Variants in OR8J1 observed in about 807,000 individuals in gnomAD.
The protein encoded by OR8J1 is olfactory receptor 8J1.
For synonymous variants in OR8J1, 157 were observed against 144.3 expected, an observed-to-expected ratio of 1.09 and a Z score of -0.63; for missense variants, 400 against 373.0, an observed-to-expected ratio of 1.07 and a Z score of -0.60.
intron 1 of OR8J1, among the ~76,000 whole-genome samples, chr11:56,355,219 C>CT (rs1458191074): frequency 1.3e-5 from 2 of 151,752 alleles, no homozygotes; most frequent in Admixed American, 1.3e-4. Context: ...CAAAAACACA[C>CT]TTTTTAAAAG....
At chr11:56,359,691 A>G (rs984659159) in intron 1 of OR8J1, among the ~76,000 whole-genome samples, 1 of 152,148 alleles carries the variant, frequency 6.6e-6, no homozygotes, top group Non-Finnish European at 1.5e-5. Flanking sequence ...TAATTTAAAA[A>G]AGAGAGAAAA....
chr11:56,357,481 T>C lies in OR8J1; in HGVS notation c.-20-2746T>C, dbSNP rs148932554. 2,664 of 864,928 alleles carry C rather than the reference T, an allele frequency of 3.1e-3. 55 individuals are homozygous for C. In the Admixed American group the frequency reaches 0.038, roughly 12 times the overall value. The allele number at this position is 864,928 out of a possible 1,614,324, so 53.6% of individuals were successfully genotyped here. Reference sequence around the variant, plus strand: ...AACACACCCAAATACTGGATGATAGTTCATGTAATAAACAGATATATCATT... The same window carrying C: ...AACACACCCAAATACTGGATGATAGCTCATGTAATAAACAGATATATCATT... On this transcript the variant is annotated intron_variant, in intron 1 of 1. Coordinates refer to ENST00000533152, the MANE Select transcript of OR8J1 (RefSeq NM_001005205.3).
At position 56,361,482 on chromosome 11, in the gene OR8J1, A is replaced by G. The variant is rs1222710910; in HGVS notation, c.*285A>G. 2 of 303,728 alleles carry G rather than the reference A, an allele frequency of 6.6e-6. No individual in the cohort carries two copies. Among genetic ancestry groups the G allele is most frequent in the Non-Finnish European group, 1.2e-5 (2 of 167,624 alleles). 18.8% of individuals were successfully genotyped at this position (303,728 alleles called of 1,614,324 possible). On this transcript the variant is annotated 3_prime_UTR_variant, in exon 2 of 2. Transcript: ENST00000533152. ...TGGTTTCCAGCAGTTAGAAAAAAAA[A>G]TTAAAAAAAGTTAAATAAGTTTGAA...
chr11:56,360,630 C>A lies in OR8J1; in HGVS notation c.384C>A (p.Asn128Lys), dbSNP rs750933627. The A allele has an allele frequency of 1.4e-5, 23 of 1,612,808 alleles. 1 individual carries two copies. The South Asian group carries it at 2.5e-4, about 18-fold the overall frequency. ...ATGACCGCTATGTGGCTATTTGTAA[C>A]CCTCTGCTGTACATGGTGGTGGTGT... ...MAYDRYVAIC[N>K]PLLYMVVVSR... Residue 128 changes from asparagine to lysine, a missense_variant, in exon 2 of 2, where the codon AAC becomes AAA. Asn to Lys is a moderately conservative substitution (Grantham distance 94). Coordinates refer to ENST00000533152, the MANE Select transcript of OR8J1 (RefSeq NM_001005205.3).
chr11:56,358,093 A>G, intron 1 of OR8J1: 2 of 530,260 alleles, frequency 3.8e-6, no homozygotes, highest in Non-Finnish European at 6.8e-6. Context: ...TTATGAAAAG[A>G]AGCCCAAGAC....
At chr11:56,355,718 A>G (rs17150377) in intron 1 of OR8J1, among the ~76,000 whole-genome samples, 4,241 of 152,240 alleles carry the variant, frequency 0.028, 182 homozygotes, top group African/African-American at 0.097. Flanking sequence ...ACAAAAGCTC[A>G]TCTATCTTTC....
At chr11:56,356,222 A>G (rs541983303) in intron 1 of OR8J1, among the ~76,000 whole-genome samples, 1 of 152,358 alleles carries the variant, frequency 6.6e-6, no homozygotes, top group South Asian at 2.1e-4. Flanking sequence ...GCTTGCTCTA[A>G]GGAAGTAGAA....
Position 56,360,399 on chromosome 11 carries a change from T to C in OR8J1, c.153T>C (p.Val51=). ...GNLGIITLTS[V]DSRLQTPMYF... is the part of the protein sequence containing the mutation. ...TGGGCATCATCACCCTCACCAGTGT[T>C]GACTCTCGACTTCAAACCCCCATGT... The change falls in exon 2 of 2, where the codon GTT becomes GTC. Residue 51 remains valine, a synonymous_variant. Coordinates refer to ENST00000533152, the MANE Select transcript of OR8J1 (RefSeq NM_001005205.3). 1 of 1,614,182 alleles carries C rather than the reference T, an allele frequency of 6.2e-7. No homozygotes were observed. Among genetic ancestry groups the C allele is most frequent in the Non-Finnish European group, 8.5e-7 (1 of 1,180,018 alleles).
rs1297922561 is a variant in OR8J1, at chr11:56,360,497, A to G, written c.251A>G (p.Asn84Ser). 2 of 1,614,040 alleles carry G rather than the reference A, an allele frequency of 1.2e-6. No individual in the cohort carries two copies. The highest frequency in any genetic ancestry group is 1.1e-5 in the South Asian group (1 of 91,086). The change falls in exon 2 of 2, where the codon AAC becomes AGC. Residue 84 changes from asparagine to serine, a missense_variant. By Grantham distance (46) the Asn-to-Ser change is conservative. Coordinates refer to ENST00000533152, the MANE Select transcript of OR8J1 (RefSeq NM_001005205.3). ...STVIAPKMLI[N>S]FLVKKKTTSF... ...GTCATTGCCCCTAAAATGCTGATTA[A>G]CTTTTTAGTAAAGAAGAAAACTACC...
At chr11:56,357,744 G>A in intron 1 of OR8J1, 1 of 1,550,314 alleles carries the variant, frequency 6.5e-7, no homozygotes, top group Non-Finnish European at 8.8e-7. Context: ...TCAGCCAGGT[G>A]CCTTTACCTG....
rs1362267444 is a variant in OR8J1 at position 56,360,445 on chromosome 11, G to T, written c.199G>T (p.Ala67Ser). The T allele has an allele frequency of 1.9e-6, 3 of 1,613,982 alleles. No individual in the cohort carries two copies. The Admixed American group carries it at 5.0e-5, about 27-fold the overall frequency. ...TPMYFFLQHL[A>S]LINLGNSTVI... is the part of the protein sequence containing the mutation. ...CATGTACTTTTTCCTGCAACATCTG[G>T]CTCTCATTAATCTTGGTAACTCTAC... The change falls in exon 2 of 2, where the codon GCT (alanine) becomes TCT (serine). Residue 67 changes from alanine (A) to serine (S), a missense_variant. By Grantham distance (99) the Ala-to-Ser change is moderately conservative. Coordinates refer to ENST00000533152, the MANE Select transcript of OR8J1 (RefSeq NM_001005205.3).
chr11:56,356,688 G>A (rs1365864990), intron 1 of OR8J1, among the ~76,000 whole-genome samples: 2 of 152,084 alleles, frequency 1.3e-5, no homozygotes, highest in African/African-American at 4.8e-5. Flanking sequence ...TAGGAATTTT[G>A]ATTATAAATT....
At chr11:56,360,159 C>G (rs1852613806) in intron 1 of OR8J1, 68 bp from the exon 2 acceptor site, 8 of 1,019,380 alleles carry the variant, frequency 7.8e-6, no homozygotes, top group Admixed American at 2.5e-5. Context: ...GGGAATTGTC[C>G]TAGCCATATA....
At chr11:56,359,010 T>C (rs1284512527) in intron 1 of OR8J1, among the ~76,000 whole-genome samples, 1 of 151,858 alleles carries the variant, frequency 6.6e-6, no homozygotes, top group Non-Finnish European at 1.5e-5. Context: ...CATTGTATCT[T>C]TTTTTTTACA....
At chr11:56,357,893 T>A in intron 1 of OR8J1, 1 of 866,280 alleles carries the variant, frequency 1.2e-6, no homozygotes, top group Non-Finnish European at 1.9e-6. Context: ...GCAAGGGATT[T>A]AATGCAGAAG....
At chr11:56,355,666 C>G (rs761733194) in intron 1 of OR8J1, among the ~76,000 whole-genome samples, 9 of 151,902 alleles carry the variant, frequency 5.9e-5, no homozygotes, top group Non-Finnish European at 5.9e-5. Flanking sequence ...CTCCAACCTG[C>G]CTGGGTGACA....
chr11:56,361,231 A>G lies in OR8J1; in HGVS notation c.*34A>G. On this transcript the variant is annotated 3_prime_UTR_variant, in exon 2 of 2. Transcript: ENST00000533152. ...AGTACAGGTAAATGAGGAGAGAGTT[A>G]ATATAAGCTGCCATTATGTAAAAGA... 1 of 887,192 alleles carries G rather than the reference A, an allele frequency of 1.1e-6. No individual in the cohort carries two copies. Among genetic ancestry groups the G allele is most frequent in the Non-Finnish European group, 1.6e-6 (1 of 641,060 alleles). The allele number at this position is 887,192 out of a possible 1,614,324, so 55.0% of individuals were successfully genotyped here.
chr11:56,355,063 A>T (rs1854949247), intron 1 of OR8J1, among the ~76,000 whole-genome samples: 1 of 152,028 alleles, frequency 6.6e-6, no homozygotes, highest in Non-Finnish European at 1.5e-5. Context: ...TAACATTATC[A>T]AGAGGAATAT....
chr11:56,360,531 T>A lies in OR8J1; in HGVS notation c.285T>A (p.Tyr95Ter), dbSNP rs753105302. 2 of 1,614,182 alleles carry A rather than the reference T, an allele frequency of 1.2e-6. No individual in the cohort carries two copies. Among genetic ancestry groups the A allele is most frequent in the Non-Finnish European group, 1.7e-6 (2 of 1,180,026 alleles). Reference protein sequence around the residue: ...FLVKKKTTSFYECATQLGGFL... With the variant: ...FLVKKKTTSF ...TAAAGAAGAAAACTACCTCATTCTATGAATGTGCCACCCAACTGGGAGGGT... is the reference window on the plus strand; with the variant it reads ...TAAAGAAGAAAACTACCTCATTCTAAGAATGTGCCACCCAACTGGGAGGGT... Residue 95 changes from tyrosine (Y) to a stop codon, truncating the protein, a stop_gained, in exon 2 of 2, where the codon TAT (tyrosine) becomes TAA (stop). Transcript: ENST00000533152. LOFTEE classifies it low-confidence loss of function (END_TRUNC).
Sources: gnomAD v4.1 joint callset for allele counts (sites outside exome capture counted in the v4.1 genomes callset) on GRCh38, gnomAD v4.1.1 for gene constraint, MANE v1.5 for transcripts, NCBI Gene and HGNC (gene_info 2026-07-23, HGNC 2026-07-21) for gene names.